The following AGBL1 variants were observed in gnomAD, a reference collection of about 807,000 sequenced individuals.
The protein encoded by AGBL1 is cytosolic carboxypeptidase 4.
Under a neutral mutation model 118.9 loss-of-function variants are expected in AGBL1, and 130 were observed. The ratio of observed to expected loss-of-function variants is 1.09; its 90% CI spans 0.95 to 1.26. The LOEUF is 1.26. AGBL1 is among the 50% of genes most tolerant of loss of function. AGBL1 has a pLI of 0.00. For synonymous variants in AGBL1, 555 were observed against 478.9 expected, an observed-to-expected ratio of 1.16 and a Z score of -2.08; for missense variants, 1,584 against 1,298.1, an observed-to-expected ratio of 1.22 and a Z score of -3.38.
At chr15:86,844,150 T>C (rs1317183324) in intron 22 of AGBL1, among the ~76,000 whole-genome samples, 2 of 152,212 alleles carry the variant, frequency 1.3e-5, no homozygotes, top group Non-Finnish European at 2.9e-5. Context: ...CAAATTGGGA[T>C]TGTTTACAAC....
At chr15:86,927,716 G>GA (rs1329534646) in intron 23 of AGBL1, among the ~76,000 whole-genome samples, 2 of 151,906 alleles carry the variant, frequency 1.3e-5, no homozygotes, top group African/African-American at 2.4e-5. Flanking sequence ...AGTAGTTATT[G>GA]AAAAAAAATT....
At chr15:86,962,965 A>T (rs1240660402) in intron 23 of AGBL1, among the ~76,000 whole-genome samples, 1 of 152,126 alleles carries the variant, frequency 6.6e-6, no homozygotes, top group Non-Finnish European at 1.5e-5. Context: ...AACTAGAAAC[A>T]TGTAATTAAG....
intron 19 of AGBL1, among the ~76,000 whole-genome samples, chr15:86,528,035 T>A (rs2083290214): frequency 6.6e-6 from 1 of 152,202 alleles, no homozygotes; most frequent in African/African-American, 2.4e-5. Flanking sequence ...ATATGTATAA[T>A]TATGGTGCTA....
Position 86,813,702 on chromosome 15 carries a change from T to G in AGBL1, c.3159-93385T>G, listed in dbSNP as rs1480728635. ...ACATTGAAACAAGCTCAGAGTCAGT[T>G]ATAGAACAGGGAATAACAATCCAGA... On this transcript the variant is annotated intron_variant, in intron 22 of 22. Transcript: ENST00000614907. Among the ~76,000 whole-genome samples the G allele has an allele frequency of 2.0e-5, 3 of 152,244 alleles. No individual in the cohort carries two copies. In the East Asian group the frequency reaches 5.8e-4, roughly 29 times the overall value.
intron 21 of AGBL1, among the ~76,000 whole-genome samples, chr15:86,555,196 A>G (rs867248427): frequency 6.6e-6 from 1 of 152,224 alleles, no homozygotes; most frequent in Non-Finnish European, 1.5e-5. Context: ...CCACTCCCCC[A>G]TAGAGAAGCA....
rs1387882521 is a variant in AGBL1 at position 86,781,855 on chromosome 15, C to T, written c.3158+107419C>T. Among the ~76,000 whole-genome samples the T allele has an allele frequency of 2.6e-5, 4 of 151,446 alleles. No homozygotes were observed. In the South Asian group the frequency reaches 8.3e-4, roughly 32 times the overall value. ...ACTATGATGACACTCTGATCATCTA[C>T]TGGGAAGAACAAGCATGAGAGGTTT... On this transcript the variant is annotated intron_variant, in intron 22 of 22. Transcript: ENST00000614907.
intron 22 of AGBL1, among the ~76,000 whole-genome samples, chr15:86,876,954 A>G (rs1186358492): frequency 6.6e-6 from 1 of 152,160 alleles, no homozygotes; most frequent in Non-Finnish European, 1.5e-5. Context: ...AATAAAAATA[A>G]CAATAGCAAT....
intron 17 of AGBL1, among the ~76,000 whole-genome samples, chr15:86,364,388 G>C (rs1009153826): frequency 2.0e-5 from 3 of 152,194 alleles, no homozygotes; most frequent in African/African-American, 7.2e-5. Flanking sequence ...GCTATAGTCA[G>C]AGAGTTAGTA....
At chr15:86,678,331 A>G (rs1430887225) in intron 22 of AGBL1, among the ~76,000 whole-genome samples, 1 of 152,108 alleles carries the variant, frequency 6.6e-6, no homozygotes, top group East Asian at 1.9e-4. Context: ...ACTTGTTCCT[A>G]TTTTAAAACT....
chr15:86,633,878 GTA>G (rs142817512), intron 21 of AGBL1, among the ~76,000 whole-genome samples: 4,270 of 98,900 alleles, frequency 0.043, 125 homozygotes, highest in South Asian at 0.066. Flanking sequence ...TATATATAAT[GTA>G]TATATATATA....
chr15:86,257,880 G>C (rs2078921555), intron 8 of AGBL1, 84 bp from the exon 9 acceptor site: 1 of 1,335,184 alleles, frequency 7.5e-7, no homozygotes, highest in South Asian at 1.3e-5. Flanking sequence ...GAAGAAGAAA[G>C]AACCACTGTA....
chr15:86,618,021 C>T (rs1039538660), intron 21 of AGBL1, among the ~76,000 whole-genome samples: 1 of 152,124 alleles, frequency 6.6e-6, no homozygotes, highest in African/African-American at 2.4e-5. Flanking sequence ...GGGCTTCCCA[C>T]TATATTATAC....
chr15:86,306,369 T>C (rs2079840709), intron 17 of AGBL1, among the ~76,000 whole-genome samples: 1 of 152,172 alleles, frequency 6.6e-6, no homozygotes, highest in Non-Finnish European at 1.5e-5. Flanking sequence ...ATGAGTTCAA[T>C]TGATTCGATT....
At chr15:86,464,237 G>A (rs1348663582) in intron 18 of AGBL1, among the ~76,000 whole-genome samples, 2 of 152,150 alleles carry the variant, frequency 1.3e-5, no homozygotes, top group African/African-American at 4.8e-5. Context: ...TTGGCTCTCT[G>A]TTTGTCTATT....
Position 86,250,493 on chromosome 15 carries a change from T to C in AGBL1, c.735+2614T>C, listed in dbSNP as rs988370664. Among the ~76,000 whole-genome samples the C allele has an allele frequency of 1.2e-4, 14 of 114,398 alleles. 1 individual carries two copies. The highest frequency in any genetic ancestry group is 1.0e-3 in the Admixed American group (8 of 7,852). 75.0% of individuals were successfully genotyped at this position (114,398 alleles called of 152,430 possible). Reference sequence around the variant, plus strand: ...ATGAGTTGAGATCACACCATTGCACTCCAGTCTGGGCAACAGAGTAAGACT... The same window carrying C: ...ATGAGTTGAGATCACACCATTGCACCCCAGTCTGGGCAACAGAGTAAGACT... On this transcript the variant is annotated intron_variant, in intron 7 of 22. Coordinates refer to ENST00000614907, the MANE Select transcript of AGBL1 (RefSeq NM_001386094.1).
intron 17 of AGBL1, among the ~76,000 whole-genome samples, chr15:86,357,880 G>A (rs973756533): frequency 6.6e-6 from 1 of 151,936 alleles, no homozygotes; most frequent in Non-Finnish European, 1.5e-5. Flanking sequence ...TGCCCCTCAC[G>A]TTTATTGCGG....
chr15:86,172,345 C>A (rs916928101), intron 5 of AGBL1, among the ~76,000 whole-genome samples: 2 of 152,118 alleles, frequency 1.3e-5, no homozygotes, highest in African/African-American at 2.4e-5. Flanking sequence ...TCACCTTGGG[C>A]AGTTATCATT....
chr15:86,982,745 T>G (rs566136007), intron 23 of AGBL1, among the ~76,000 whole-genome samples: 1 of 152,358 alleles, frequency 6.6e-6, no homozygotes, highest in South Asian at 2.1e-4. Flanking sequence ...TAGCTTACTT[T>G]ATTGTAAGAA....
chr15:86,187,819 T>C (rs541098902), intron 5 of AGBL1, among the ~76,000 whole-genome samples: 1 of 152,190 alleles, frequency 6.6e-6, no homozygotes, highest in African/African-American at 2.4e-5. Context: ...TAGCTATCTG[T>C]ATTGACATTT....
Sources: allele counts gnomAD v4.1 joint callset (sites outside exome capture counted in the v4.1 genomes callset), GRCh38; gene constraint gnomAD v4.1.1; transcripts MANE v1.5; gene names NCBI Gene and HGNC (gene_info 2026-07-23, HGNC 2026-07-21).